Variants in DENND1B observed in about 807,000 individuals in gnomAD.
DENND1B encodes the protein DENN domain containing 1B.
In DENND1B, 59 loss-of-function variants were observed where a neutral mutation model predicts 90.1. The ratio of observed to expected loss-of-function variants is 0.65; its 90% CI spans 0.53 to 0.81. The LOEUF (loss-of-function observed/expected upper bound fraction) is 0.81, where lower values mean the gene tolerates loss of function less well. Among genes scored for constraint, DENND1B ranks in the 40% least tolerant of loss-of-function variants. The pLI, the probability that DENND1B is intolerant of heterozygous loss-of-function variation, is 0.00. For synonymous variants in DENND1B, 337 were observed against 324.6 expected, an observed-to-expected ratio of 1.04 and a Z score of -0.41; for missense variants, 862 against 912.6, an observed-to-expected ratio of 0.94 and a Z score of 0.71.
At chr1:197,546,928 A>T (rs1670854874) in intron 16 of DENND1B, among the ~76,000 whole-genome samples, 155 bp from the exon 17 acceptor site, 1 of 152,246 alleles carries the variant, frequency 6.6e-6, no homozygotes, top group South Asian at 2.1e-4. Flanking sequence ...CGATCAACAT[A>T]TCTGGTTCCA....
intron 2 of DENND1B, chr1:197,735,889 C>A: frequency 6.5e-7 from 1 of 1,541,110 alleles, no homozygotes; most frequent in Non-Finnish European, 8.9e-7. Context: ...ATTACAGGTG[C>A]CTCTCCTGCT....
At chr1:197,685,434 C>T (rs1657133357) in intron 3 of DENND1B, among the ~76,000 whole-genome samples, 1 of 151,956 alleles carries the variant, frequency 6.6e-6, no homozygotes, top group Non-Finnish European at 1.5e-5. Context: ...CTTATAACTC[C>T]TTCAACTTAA....
rs373949867 is a variant in DENND1B, at chr1:197,556,442, G to A, written c.1150-3330C>T. Among the ~76,000 whole-genome samples the A allele has an allele frequency of 4.0e-5, 6 of 151,886 alleles. No individual in the cohort carries two copies. The East Asian group carries it at 7.7e-4, about 20-fold the overall frequency. ...TCTAATGCTTTTGAGTGAAAACTGT[G>A]GTAAGACAGGTTTAAATAAACATAG... On this transcript the variant is annotated intron_variant, in intron 15 of 22. Transcript: ENST00000620048.
chr1:197,716,282 T>C (rs1009655026), intron 2 of DENND1B, among the ~76,000 whole-genome samples: 7 of 151,772 alleles, frequency 4.6e-5, no homozygotes, highest in African/African-American at 1.7e-4. Context: ...AAGAAAAAAG[T>C]AAGCTTTCGA....
At chr1:197,754,842 T>C (rs761104883) in intron 2 of DENND1B, among the ~76,000 whole-genome samples, 10 of 152,086 alleles carry the variant, frequency 6.6e-5, no homozygotes, top group Non-Finnish European at 1.3e-4. Flanking sequence ...GTGTAACAGA[T>C]TGTTCAACAA....
intron 20 of DENND1B, among the ~76,000 whole-genome samples, chr1:197,519,144 C>T (rs1304391141): frequency 2.6e-5 from 4 of 151,830 alleles, no homozygotes; most frequent in Admixed American, 6.6e-5. Context: ...TTTCAGTACT[C>T]GAGTGTTTCT....
chr1:197,553,062 A>T lies in DENND1B; in HGVS notation c.1200T>A (p.Asp400Glu). The change falls in exon 16 of 23, where the codon GAT becomes GAA. Residue 400 changes from aspartate (D) to glutamate (E), a missense_variant. Asp to Glu is a conservative substitution (Grantham distance 45). Coordinates refer to ENST00000620048, the MANE Select transcript of DENND1B (RefSeq NM_001195215.2). ...AKLNAGRGFS[D>E]VFEEEITSGG... is the part of the protein sequence containing the mutation. ...CTGAAGTGATCTCTTCTTCAAATAC[A>T]TCAGAGAAACCCCTTCCTGCATTTA... 4 of 1,564,518 alleles carry T rather than the reference A, an allele frequency of 2.6e-6. No individual in the cohort carries two copies. The highest frequency in any genetic ancestry group is 3.4e-6 in the Non-Finnish European group (4 of 1,162,110).
chr1:197,601,160 G>T (rs962737123), intron 13 of DENND1B, among the ~76,000 whole-genome samples: 2 of 151,624 alleles, frequency 1.3e-5, no homozygotes, highest in African/African-American at 4.8e-5. Flanking sequence ...TGAAATCAGG[G>T]TATATGTTTG....
intron 10 of DENND1B, among the ~76,000 whole-genome samples, chr1:197,640,251 T>C (rs962055497): frequency 3.3e-5 from 5 of 152,052 alleles, no homozygotes; most frequent in Admixed American, 6.6e-5. Context: ...GACGGGTGGA[T>C]TGCTTGAGGT....
intron 20 of DENND1B, among the ~76,000 whole-genome samples, chr1:197,516,552 T>C (rs986474831): frequency 4.0e-5 from 6 of 151,782 alleles, no homozygotes; most frequent in Admixed American, 6.6e-5. Flanking sequence ...GTTGCGACTC[T>C]GAAGCACAGT....
chr1:197,770,488 C>T (rs995537511), intron 2 of DENND1B, among the ~76,000 whole-genome samples: 1 of 151,620 alleles, frequency 6.6e-6, no homozygotes, highest in African/African-American at 2.4e-5. Context: ...CTGACACATG[C>T]ATAGATTGGG....
intron 15 of DENND1B, among the ~76,000 whole-genome samples, chr1:197,573,724 CCAG>C (rs1673388237): frequency 6.6e-6 from 1 of 152,112 alleles, no homozygotes; most frequent in African/African-American, 2.4e-5. Context: ...CAAACTGAAT[CCAG>C]CAGCACATCA....
At position 197,511,652 on chromosome 1, in the gene DENND1B, A is replaced by G; in HGVS notation, c.1815+76T>C. The G allele has an allele frequency of 1.8e-6, 2 of 1,138,420 alleles. 1 individual carries two copies. Among genetic ancestry groups the G allele is most frequent in the South Asian group, 4.3e-5 (2 of 46,110 alleles). 70.5% of individuals were successfully genotyped at this position (1,138,420 alleles called of 1,614,324 possible). On this transcript the variant is annotated intron_variant, in intron 22 of 22. Coordinates refer to ENST00000620048, the MANE Select transcript of DENND1B (RefSeq NM_001195215.2). ...AGGTTAAATGCTTCTACCAACAAAGAGTATAAGATCCAGTAATCACAGCCA... is the reference window on the plus strand; with the variant it reads ...AGGTTAAATGCTTCTACCAACAAAGGGTATAAGATCCAGTAATCACAGCCA...
At chr1:197,671,663 G>A (rs1572266520) in intron 5 of DENND1B, among the ~76,000 whole-genome samples, 1 of 152,068 alleles carries the variant, frequency 6.6e-6, no homozygotes, top group African/African-American at 2.4e-5. Context: ...CTGTCTTAAA[G>A]CAGCAGTTCA....
At chr1:197,739,126 G>C (rs896849246) in intron 2 of DENND1B, among the ~76,000 whole-genome samples, 1 of 152,118 alleles carries the variant, frequency 6.6e-6, no homozygotes, top group East Asian at 1.9e-4. Context: ...AAATGGGGGG[G>C]AAATCCCAGG....
intron 8 of DENND1B, 58 bp downstream of exon 8, chr1:197,646,995 TAA>T (rs1375266765): frequency 1.6e-6 from 2 of 1,287,610 alleles, no homozygotes; most frequent in African/African-American, 3.2e-5. Context: ...CATAGTGAAA[TAA>T]GTGATTATTT....
chr1:197,629,300 GGATTAA>G (rs1170008989), intron 10 of DENND1B, among the ~76,000 whole-genome samples: 1 of 151,904 alleles, frequency 6.6e-6, no homozygotes, highest in Non-Finnish European at 1.5e-5. Flanking sequence ...ATGATAGACT[GGATTAA>G]GAAAATGTGG....
At chr1:197,667,825 T>G (rs1655100384) in intron 5 of DENND1B, among the ~76,000 whole-genome samples, 1 of 149,998 alleles carries the variant, frequency 6.7e-6, no homozygotes, top group Admixed American at 6.6e-5. Flanking sequence ...CCTGGTAATA[T>G]AGCTAAATTC....
intron 13 of DENND1B, among the ~76,000 whole-genome samples, chr1:197,603,314 A>G (rs945357459): frequency 2.6e-5 from 4 of 151,350 alleles, no homozygotes; most frequent in East Asian, 3.9e-4. Flanking sequence ...ATTACATTGT[A>G]TATCACATTT....
Sources: gnomAD v4.1 joint callset for allele counts (sites outside exome capture counted in the v4.1 genomes callset) on GRCh38, gnomAD v4.1.1 for gene constraint, MANE v1.5 for transcripts, NCBI Gene and HGNC (gene_info 2026-07-23, HGNC 2026-07-21) for gene names.